BSCL2: variants seen among roughly 807,000 people sequenced by gnomAD.
BSCL2 encodes seipin.
In BSCL2, 41 loss-of-function variants were observed where a neutral mutation model predicts 57.4. The ratio of observed to expected loss-of-function variants is 0.71; its 90% CI spans 0.56 to 0.93. The LOEUF (loss-of-function observed/expected upper bound fraction) is 0.93, where lower values mean the gene tolerates loss of function less well. BSCL2 is among the 40% of genes least tolerant of loss of function. The probability of loss-of-function intolerance (pLI) is 0.00; values close to 1 mark genes in which losing one functional copy is unlikely to be tolerated. For missense variants in BSCL2, 539 were observed against 586.7 expected (o/e 0.92, Z 0.84); for synonymous variants, 237 against 227.3 (o/e 1.04, Z -0.38).
Position 62,707,108 on chromosome 11 carries a change from C to A in BSCL2, c.87+1G>T, listed in dbSNP as rs1390466843. 5.2e-6 allele frequency: 8 copies of A among 1,553,094 alleles called. No individual in the cohort carries two copies. Among genetic ancestry groups the A allele is most frequent in the Non-Finnish European group, 7.0e-6 (8 of 1,147,208 alleles). ...CTGACTGTCCCCACAAGGGCCCCTA[C>A]CTCCTCTTTGTCCGGTCCTTTGATC... On this transcript the variant is annotated splice_donor_variant, in intron 1 of 10. Coordinates refer to ENST00000360796, the MANE Select transcript of BSCL2 (RefSeq NM_001122955.4). LOFTEE classifies it high-confidence loss of function.
chr11:62,691,022 C>T (rs1945295067), intron 8 of BSCL2, 53 bp downstream of exon 8: 1 of 1,606,000 alleles, frequency 6.2e-7, no homozygotes. Context: ...TCCTTCTGGC[C>T]CAGCCCAGCT....
Position 62,690,459 on chromosome 11 carries a change from C to G in BSCL2, c.1297G>C (p.Ala433Pro). 1 of 1,614,134 alleles carries G rather than the reference C, an allele frequency of 6.2e-7. No homozygotes were observed. Among genetic ancestry groups the G allele is most frequent in the Non-Finnish European group, 8.5e-7 (1 of 1,180,022 alleles). ...TCTAGGACAGGGGCAGAAGCAGAAG[C>G]AGGAGCAGGAGCAGGCAGGTTGGCC... ...TEANLPAPAP[A>P]SASAPVLETL... Residue 433 changes from alanine to proline, a missense_variant, in exon 11 of 11, where the codon GCT becomes CCT. Transcript: ENST00000360796.
intron 3 of BSCL2, among the ~76,000 whole-genome samples, chr11:62,702,135 C>T (rs554099952): frequency 1.3e-5 from 2 of 151,206 alleles, no homozygotes; most frequent in African/African-American, 4.9e-5. Flanking sequence ...GGCGTGATCT[C>T]GGCTCACCGA....
At chr11:62,697,019 C>A (rs1945489494) in intron 3 of BSCL2, among the ~76,000 whole-genome samples, 1 of 150,552 alleles carries the variant, frequency 6.6e-6, no homozygotes, top group Non-Finnish European at 1.5e-5. Context: ...ACCGGGGTGA[C>A]AGAATGAGAC....
chr11:62,698,108 C>T (rs977441667), intron 3 of BSCL2, among the ~76,000 whole-genome samples: 2 of 151,944 alleles, frequency 1.3e-5, no homozygotes, highest in Admixed American at 6.6e-5. Context: ...AGGGTTTCAC[C>T]GTTTTAGCCA....
chr11:62,692,457 C>T lies in BSCL2; in HGVS notation c.782G>A (p.Gly261Glu). ...CTTGCTGTGGATCTCAATGATCGCT[C>T]CAGTGGTCGGCACGTACTGTGAGGG... ...YRENSYVPTT[G>E]AIIEIHSKRI... Residue 261 changes from glycine to glutamate, a missense_variant, in exon 6 of 11, where the codon GGA becomes GAA. Gly to Glu is a moderately conservative substitution (Grantham distance 98, BLOSUM62 -2). Around this residue, in one of 3 missense-constraint regions of BSCL2, gnomAD observed 73 missense variants for 122.0 expected, o/e 0.60. Coordinates refer to ENST00000360796, the MANE Select transcript of BSCL2 (RefSeq NM_001122955.4). 6.2e-7 allele frequency: 1 copy of T among 1,613,966 alleles called. No individual in the cohort carries two copies. Among genetic ancestry groups the T allele is most frequent in the Non-Finnish European group, 8.5e-7 (1 of 1,180,024 alleles).
Position 62,692,703 on chromosome 11 carries a change from A to G in BSCL2, c.725T>C (p.Leu242Pro). ...LLFGFAEQKQLLEVELYADYR... is the reference protein window; with the variant it reads ...LLFGFAEQKQPLEVELYADYR... ...GTCTGCGTAGAGTTCCACCTCCAGCAGCTGCTTCTGCTCTGCAAAGCCAAA... is the reference window on the plus strand; with the variant it reads ...GTCTGCGTAGAGTTCCACCTCCAGCGGCTGCTTCTGCTCTGCAAAGCCAAA... The change falls in exon 5 of 11, where the codon CTG (leucine) becomes CCG (proline). Residue 242 changes from leucine to proline, a missense_variant. Physicochemically the swap from Leu to Pro is moderately conservative, Grantham distance 98. This residue lies in a region of BSCL2 where 73 missense variants were observed against 122.0 expected (regional missense o/e 0.60). Transcript: ENST00000360796. 2 of 1,614,170 alleles carry G rather than the reference A, an allele frequency of 1.2e-6. No individual in the cohort carries two copies. The highest frequency in any genetic ancestry group is 1.7e-6 in the Non-Finnish European group (2 of 1,180,034).
chr11:62,694,389 A>G (rs1024151382), intron 4 of BSCL2, among the ~76,000 whole-genome samples, 179 bp downstream of exon 4: 8 of 151,130 alleles, frequency 5.3e-5, no homozygotes, highest in Middle Eastern at 3.2e-3. Context: ...CTTTTTTTGT[A>G]GAGATGGGTT....
chr11:62,706,308 G>A, intron 1 of BSCL2: 1 of 1,110,420 alleles, frequency 9.0e-7, no homozygotes, highest in Non-Finnish European at 1.1e-6. Flanking sequence ...TCCGGCTCCC[G>A]GGGAAGTCCC....
chr11:62,696,463 C>A (rs545407928), intron 3 of BSCL2, among the ~76,000 whole-genome samples: 1 of 107,442 alleles, frequency 9.3e-6, no homozygotes, highest in African/African-American at 3.0e-5. Flanking sequence ...CAACCACATG[C>A]AACTAAAAAT....
intron 3 of BSCL2, among the ~76,000 whole-genome samples, chr11:62,695,424 G>C (rs1945427789): frequency 6.6e-6 from 1 of 151,064 alleles, no homozygotes; most frequent in South Asian, 2.1e-4. Context: ...AAAAAAAAAG[G>C]TTAGCCAGGT....
intron 1 of BSCL2, chr11:62,705,936 C>G (rs1356150462): frequency 1.6e-5 from 5 of 321,458 alleles, no homozygotes; most frequent in Non-Finnish European, 2.3e-5. Context: ...TTAGAAAGAG[C>G]TTTACACACA....
chr11:62,694,307 G>A lies in BSCL2; in HGVS notation c.630+261C>T, dbSNP rs189367301. 1.0e-3 allele frequency among the ~76,000 whole-genome samples: 143 copies of A among 139,134 alleles called. 2 individuals carry two copies. Among genetic ancestry groups the A allele is most frequent in the Middle Eastern group, 0.01 (2 of 194 alleles). The allele number at this position is 139,134 out of a possible 152,430, so 91.3% of individuals were successfully genotyped here. A position where few individuals can be genotyped will look rare whatever the true frequency, so the allele number is the denominator to read the frequency against. The stretch of plus-strand genomic sequence containing the variant: ...CAGACTCAACCTCCCAGGTTTAAGC[G>A]ATCCTCCCACCTCAGCCTCTAGAGT... On this transcript the variant is annotated intron_variant, in intron 4 of 10. Coordinates refer to ENST00000360796, the MANE Select transcript of BSCL2 (RefSeq NM_001122955.4).
chr11:62,705,742 A>G, intron 1 of BSCL2, 125 bp from the exon 2 acceptor site: 2 of 952,590 alleles, frequency 2.1e-6, no homozygotes, highest in Non-Finnish European at 3.0e-6. Context: ...TTTCATATAT[A>G]TGGCCTTTCT....
At chr11:62,691,207 C>T in intron 7 of BSCL2, 66 bp from the exon 8 acceptor site, 1 of 1,613,942 alleles carries the variant, frequency 6.2e-7, no homozygotes, top group Non-Finnish European at 8.5e-7. Context: ...GACCCTCATG[C>T]CTTAATCCCC....
At chr11:62,705,199 CCA>C in intron 2 of BSCL2, 100 bp downstream of exon 2, 2 of 1,306,632 alleles carry the variant, frequency 1.5e-6, no homozygotes, top group Admixed American at 2.0e-5. Flanking sequence ...ACACCTGGCT[CCA>C]GTTTTCCTTA....
intron 2 of BSCL2, among the ~76,000 whole-genome samples, chr11:62,704,103 C>G (rs1267598757): frequency 2.1e-5 from 3 of 142,708 alleles, no homozygotes; most frequent in Non-Finnish European, 4.5e-5. Context: ...CCAGCCCAGG[C>G]AACAGCACGA....
intron 1 of BSCL2, 37 bp downstream of exon 1, chr11:62,707,072 G>A (rs1489485490): frequency 7.2e-6 from 11 of 1,525,948 alleles, no homozygotes; most frequent in Admixed American, 2.0e-5. Flanking sequence ...CCTATTTCCA[G>A]TATATTTCTG....
intron 1 of BSCL2, 97 bp downstream of exon 1, chr11:62,707,012 A>G (rs531806548): frequency 1.9e-5 from 20 of 1,068,966 alleles, no homozygotes; most frequent in Non-Finnish European, 2.5e-5. Flanking sequence ...TTCAAAATGA[A>G]TGAAATTCTT....
Sources: gnomAD v4.1 joint callset for allele counts (sites outside exome capture counted in the v4.1 genomes callset) on GRCh38, gnomAD v4.1.1 for gene constraint, gnomAD v4.1.1 regional missense constraint, MANE v1.5 for transcripts, NCBI Gene and HGNC (gene_info 2026-07-23, HGNC 2026-07-21) for gene names.